The following MARCHF8 variants were observed in gnomAD, a reference collection of about 807,000 sequenced individuals.
MARCHF8 encodes the protein E3 ubiquitin-protein ligase MARCHF8.
In MARCHF8, 40 loss-of-function variants were observed where a neutral mutation model predicts 51.6. That is an observed-to-expected ratio of 0.77 (90% CI 0.60 to 1.01). The LOEUF is 1.01. MARCHF8 is among the 50% of genes least tolerant of loss of function. The probability of loss-of-function intolerance (pLI) is 0.00; values close to 1 mark genes in which losing one functional copy is unlikely to be tolerated. For missense variants in MARCHF8, 685 were observed against 708.6 expected (o/e 0.97, Z 0.38); for synonymous variants, 263 against 280.3 (o/e 0.94, Z 0.62).
At chr10:45,506,506 AATATATC>A in intron 2 of MARCHF8, among the ~76,000 whole-genome samples, 1 of 152,340 alleles carries the variant, frequency 6.6e-6, no homozygotes, top group Non-Finnish European at 1.5e-5. Context: ...TATGTCTTGC[AATATATC>A]AGCTTGAAGA....
At chr10:45,465,234 A>G (rs1842930675) in intron 3 of MARCHF8, among the ~76,000 whole-genome samples, 1 of 152,180 alleles carries the variant, frequency 6.6e-6, no homozygotes, top group Non-Finnish European at 1.5e-5. Context: ...TATTCATAAA[A>G]AAGCATTCTT....
At chr10:45,481,852 G>T (rs2042892969) in intron 3 of MARCHF8, among the ~76,000 whole-genome samples, 1 of 152,072 alleles carries the variant, frequency 6.6e-6, no homozygotes, top group Non-Finnish European at 1.5e-5. Context: ...GAAATAAAAG[G>T]CATTCAAATT....
chr10:45,536,935 A>T (rs2043980806), upstream of MARCHF8, among the ~76,000 whole-genome samples: 1 of 151,430 alleles, frequency 6.6e-6, no homozygotes, highest in African/African-American at 2.4e-5. Flanking sequence ...GCCATCATGG[A>T]AATACAAATC....
At chr10:45,511,471 T>G (rs1324291079) in intron 2 of MARCHF8, among the ~76,000 whole-genome samples, 1 of 152,208 alleles carries the variant, frequency 6.6e-6, no homozygotes, top group African/African-American at 2.4e-5. Flanking sequence ...GAAGCTGGAC[T>G]GTACTGCTGC....
At chr10:45,566,607 T>G (rs2044367432) in intron 1 of MARCHF8, among the ~76,000 whole-genome samples, 1 of 152,224 alleles carries the variant, frequency 6.6e-6, no homozygotes, top group Non-Finnish European at 1.5e-5. Flanking sequence ...TGGATCTCAT[T>G]ATTTTTGACA....
chr10:45,583,537 A>G (rs2044578766), intron 1 of MARCHF8, among the ~76,000 whole-genome samples: 1 of 152,214 alleles, frequency 6.6e-6, no homozygotes, highest in Non-Finnish European at 1.5e-5. Flanking sequence ...TCATCCCACA[A>G]ATATTTATTG....
chr10:45,555,753 A>G (rs929596531), intron 1 of MARCHF8, among the ~76,000 whole-genome samples: 1 of 151,718 alleles, frequency 6.6e-6, no homozygotes, highest in African/African-American at 2.4e-5. Flanking sequence ...CAAAAAAAAA[A>G]AAAAAGAAAA....
At chr10:45,477,467 C>T (rs912628035) in intron 3 of MARCHF8, among the ~76,000 whole-genome samples, 2 of 152,082 alleles carry the variant, frequency 1.3e-5, no homozygotes, top group South Asian at 2.1e-4. Context: ...ACTACAGAAA[C>T]CCACCAAACC....
At chr10:45,580,420 T>A (rs1464074970) in intron 1 of MARCHF8, among the ~76,000 whole-genome samples, 1 of 152,144 alleles carries the variant, frequency 6.6e-6, no homozygotes, top group Non-Finnish European at 1.5e-5. Flanking sequence ...TTATGAGATC[T>A]CACCCCTCAC....
At chr10:45,470,335 C>G (rs927267379) in intron 3 of MARCHF8, among the ~76,000 whole-genome samples, 1 of 152,210 alleles carries the variant, frequency 6.6e-6, no homozygotes, top group African/African-American at 2.4e-5. Context: ...GAGGGCCCGT[C>G]TGCTGGCTGA....
upstream of MARCHF8, among the ~76,000 whole-genome samples, chr10:45,539,432 T>C (rs1024308718): frequency 1.3e-5 from 2 of 152,036 alleles, no homozygotes; most frequent in Non-Finnish European, 2.9e-5. Context: ...AGCAAACACA[T>C]TCAAAAGCTA....
At chr10:45,481,773 C>T (rs1372351155) in intron 3 of MARCHF8, among the ~76,000 whole-genome samples, 1 of 152,164 alleles carries the variant, frequency 6.6e-6, no homozygotes, top group Non-Finnish European at 1.5e-5. Flanking sequence ...CAGACTAATA[C>T]ACCCACTTTC....
intron 1 of MARCHF8, among the ~76,000 whole-genome samples, chr10:45,564,985 TAAAAAA>T (rs60290162): frequency 1.2e-3 from 121 of 98,676 alleles, no homozygotes; most frequent in Non-Finnish European, 1.8e-3. Flanking sequence ...TAGGATCCAC[TAAAAAA>T]AAAAAAAAAA....
At chr10:45,476,147 C>A (rs1454168993) in intron 3 of MARCHF8, among the ~76,000 whole-genome samples, 1 of 152,074 alleles carries the variant, frequency 6.6e-6, no homozygotes, top group South Asian at 2.1e-4. Flanking sequence ...CATAAGGACA[C>A]AAGAAATGAA....
intron 1 of MARCHF8, among the ~76,000 whole-genome samples, chr10:45,570,701 TAACA>T (rs1489791342): frequency 2.0e-5 from 3 of 152,196 alleles, no homozygotes; most frequent in African/African-American, 4.8e-5. Flanking sequence ...ATATAATTGT[TAACA>T]AACAAATTTT....
At chr10:45,488,547 C>T (rs1465553916) in intron 3 of MARCHF8, among the ~76,000 whole-genome samples, 1 of 152,114 alleles carries the variant, frequency 6.6e-6, no homozygotes, top group African/African-American at 2.4e-5. Context: ...AACAGCAAAC[C>T]GTTCATCATG....
chr10:45,478,141 T>C (rs917445389), intron 3 of MARCHF8, among the ~76,000 whole-genome samples: 1 of 152,210 alleles, frequency 6.6e-6, no homozygotes, highest in African/African-American at 2.4e-5. Flanking sequence ...TTCTTCAGGA[T>C]AGGCCACAGG....
At chr10:45,518,551 G>A (rs1237439966) in intron 2 of MARCHF8, among the ~76,000 whole-genome samples, 1 of 152,144 alleles carries the variant, frequency 6.6e-6, no homozygotes, top group African/African-American at 2.4e-5. Flanking sequence ...TGCTTTCCAT[G>A]ATCTTCAAAA....
At chr10:45,474,095 C>T (rs1014548263) in intron 3 of MARCHF8, among the ~76,000 whole-genome samples, 2 of 152,202 alleles carry the variant, frequency 1.3e-5, no homozygotes, top group African/African-American at 4.8e-5. Context: ...GTACTTCCCT[C>T]TGCTGTTTGG....
Sources: gnomAD v4.1 joint callset for allele counts (sites outside exome capture counted in the v4.1 genomes callset) on GRCh38, gnomAD v4.1.1 for gene constraint, MANE v1.5 for transcripts, NCBI Gene and HGNC (gene_info 2026-07-23, HGNC 2026-07-21) for gene names.